Variants in ZNF738 observed in about 807,000 individuals in gnomAD.
The protein encoded by ZNF738 is protein ZNF738.
A neutral mutation model predicts 9.2 loss-of-function variants in ZNF738; 10 were observed. The observed-to-expected ratio is 1.09, with a 90% CI of 0.67 to 1.85. The LOEUF is 1.85. Among genes scored for constraint, ZNF738 ranks in the 40% most tolerant of loss-of-function variants. The pLI, the probability that ZNF738 is intolerant of heterozygous loss-of-function variation, is 0.00. For synonymous variants in ZNF738, 113 were observed against 94.5 expected, an observed-to-expected ratio of 1.20 and a Z score of -1.14; for missense variants, 346 against 283.6, an observed-to-expected ratio of 1.22 and a Z score of -1.58.
At position 21,385,279 on chromosome 19, in the gene ZNF738, A is replaced by AC. The variant is rs1974053653; in HGVS notation, c.*1609dup. Among the ~76,000 whole-genome samples the AC allele has an allele frequency of 6.6e-6, 1 of 152,098 alleles. No homozygotes were observed. Among genetic ancestry groups the AC allele is most frequent in the Admixed American group, 6.5e-5 (1 of 15,270 alleles). On this transcript the variant is annotated 3_prime_UTR_variant, in exon 5 of 5. Coordinates refer to ENST00000683779, the MANE Select transcript of ZNF738 (RefSeq NM_001355237.2). ...AGACCAGCCTGGCCCATATGGTGAA[A>AC]CCCCATCTCTACTAAAAATATAAAA...
chr19:21,364,180 G>C (rs1486628913), intron 2 of ZNF738, among the ~76,000 whole-genome samples: 1 of 87,618 alleles, frequency 1.1e-5, no homozygotes, highest in Non-Finnish European at 2.1e-5. Context: ...CTGGGCAATA[G>C]AGCGAGAATC....
chr19:21,377,324 A>G (rs1973942007), intron 4 of ZNF738: 3 of 587,802 alleles, frequency 5.1e-6, no homozygotes, highest in Non-Finnish European at 9.0e-6. Flanking sequence ...AAAAAATTGT[A>G]TTATACTGCC....
rs527545077 is a variant in ZNF738, at chr19:21,382,225, C to T, written c.320-641C>T. 6.7e-5 allele frequency among the ~76,000 whole-genome samples: 10 copies of T among 148,918 alleles called. No individual in the cohort carries two copies. In the South Asian group the frequency reaches 8.6e-4, roughly 13 times the overall value. On this transcript the variant is annotated intron_variant, in intron 4 of 4. Coordinates refer to ENST00000683779, the MANE Select transcript of ZNF738 (RefSeq NM_001355237.2). ...GGATTACAGGTTGAGCCACCACGCC[C>T]GGCTGGCAATTTACTTCTTTTTGTT...
chr19:21,383,399 G>C lies in ZNF738; in HGVS notation c.853G>C (p.Glu285Gln). 2 of 594,768 alleles carry C rather than the reference G, an allele frequency of 3.4e-6. No homozygotes were observed. The highest frequency in any genetic ancestry group is 5.7e-6 in the Non-Finnish European group (2 of 350,638). The allele number at this position is 594,768 out of a possible 1,614,324, so 36.8% of individuals were successfully genotyped here. The change falls in exon 5 of 5, where the codon GAG (glutamate) becomes CAG (glutamine). Residue 285 changes from glutamate (E) to glutamine (Q), a missense_variant. By Grantham distance (29) the Glu-to-Gln change is conservative (BLOSUM62 2). Coordinates refer to ENST00000683779, the MANE Select transcript of ZNF738 (RefSeq NM_001355237.2). ...LTRHKVIHAG[E>Q]KHYKCEKCGK... The stretch of plus-strand genomic sequence containing the variant: ...TAGACATAAGGTAATTCATGCTGGA[G>C]AGAAACACTACAAATGTGAAAAATG...
intron 1 of ZNF738, 121 bp from the exon 2 acceptor site, chr19:21,361,645 G>A (rs889411420): frequency 1.3e-5 from 9 of 693,202 alleles, no homozygotes; most frequent in Non-Finnish European, 1.9e-5. Context: ...CTCAGCCACC[G>A]TTTAGTTTTT....
intron 4 of ZNF738, chr19:21,377,911 C>A (rs1404668816): frequency 2.6e-6 from 1 of 386,076 alleles, no homozygotes; most frequent in East Asian, 3.6e-5. Flanking sequence ...ATTCTTGCAT[C>A]TTTGTCCCAC....
In ZNF738 at chr19:21,386,625, A is replaced by G. The variant is rs1599722353; in HGVS notation, c.*2951A>G. 4.8e-5 allele frequency: 12 copies of G among 248,534 alleles called. 1 individual carries two copies. The South Asian group carries it at 7.0e-4, about 14-fold the overall frequency. The allele number at this position is 248,534 out of a possible 1,614,324, so 15.4% of individuals were successfully genotyped here. On this transcript the variant is annotated 3_prime_UTR_variant, in exon 5 of 5. Transcript: ENST00000683779. Reference sequence around the variant, plus strand: ...TGACAAAGCCTTTAACCAGTCCTCAATTCTTACCAAACATAAGAAAATTCA... The same window carrying G: ...TGACAAAGCCTTTAACCAGTCCTCAGTTCTTACCAAACATAAGAAAATTCA...
chr19:21,360,836 C>T (rs1334440820), intron 1 of ZNF738, among the ~76,000 whole-genome samples: 2 of 148,364 alleles, frequency 1.3e-5, no homozygotes, highest in African/African-American at 2.5e-5. Context: ...TTTTTCTTTT[C>T]TTTTTTTTTT....
At chr19:21,374,833 A>T (rs1973903963) in intron 2 of ZNF738, among the ~76,000 whole-genome samples, 1 of 152,206 alleles carries the variant, frequency 6.6e-6, no homozygotes, top group African/African-American at 2.4e-5. Context: ...TTCTGAAAAA[A>T]AAAAATCTGC....
At chr19:21,379,728 T>A (rs1430402917) in intron 4 of ZNF738, among the ~76,000 whole-genome samples, 1 of 152,192 alleles carries the variant, frequency 6.6e-6, no homozygotes, top group Non-Finnish European at 1.5e-5. Flanking sequence ...CACATTTTTT[T>A]AATTGACACC....
rs1272588767 is a variant in ZNF738, at chr19:21,385,056, G to T, written c.*1382G>T. Among the ~76,000 whole-genome samples the T allele has an allele frequency of 1.3e-5, 2 of 152,024 alleles. No homozygotes were observed. Among genetic ancestry groups the T allele is most frequent in the Non-Finnish European group, 2.9e-5 (2 of 67,982 alleles). Reference sequence around the variant, plus strand: ...TGACTGGTCCTCTACCCTTACTAAAGATAAAAGAGTTTGACTGGGTGCGGT... The same window carrying T: ...TGACTGGTCCTCTACCCTTACTAAATATAAAAGAGTTTGACTGGGTGCGGT... On this transcript the variant is annotated 3_prime_UTR_variant, in exon 5 of 5. Coordinates refer to ENST00000683779, the MANE Select transcript of ZNF738 (RefSeq NM_001355237.2).
chr19:21,375,086 G>A (rs769291190), intron 2 of ZNF738, among the ~76,000 whole-genome samples, 152 bp from the exon 3 acceptor site: 3 of 152,128 alleles, frequency 2.0e-5, no homozygotes, highest in Non-Finnish European at 4.4e-5. Context: ...GAATACATTA[G>A]AGAATATTTC....
chr19:21,363,933 A>C (rs934239020), intron 2 of ZNF738, among the ~76,000 whole-genome samples: 3 of 150,908 alleles, frequency 2.0e-5, no homozygotes, highest in Non-Finnish European at 2.9e-5. Flanking sequence ...ATGGTGGCTC[A>C]TGTCTGTAAT....
chr19:21,376,024 A>G (rs535033730), intron 4 of ZNF738, 60 bp downstream of exon 4: 12 of 679,382 alleles, frequency 1.8e-5, no homozygotes, highest in Non-Finnish European at 2.7e-5. Flanking sequence ...TACAAAAAAA[A>G]AAAAGCAGTC....
rs374764443 is a variant in ZNF738, at chr19:21,368,261, A to G, written c.96+6403A>G. Among the ~76,000 whole-genome samples, 9 of 152,116 alleles carry G rather than the reference A, an allele frequency of 5.9e-5. No homozygotes were observed. In the South Asian group the frequency reaches 1.2e-3, roughly 21 times the overall value. ...TTTGTCCTTTTATCCTTCATCCTCA[A>G]CTAGGCCTCCATGACTGTTCCTTCT... On this transcript the variant is annotated intron_variant, in intron 2 of 4. Coordinates refer to ENST00000683779, the MANE Select transcript of ZNF738 (RefSeq NM_001355237.2).
chr19:21,364,072 C>T (rs987487726), intron 2 of ZNF738, among the ~76,000 whole-genome samples: 11 of 150,892 alleles, frequency 7.3e-5, no homozygotes, highest in African/African-American at 2.7e-4. Context: ...AGATGTGCAC[C>T]TGTAGCCCCA....
chr19:21,368,765 C>A (rs1468280615), intron 2 of ZNF738, among the ~76,000 whole-genome samples: 1 of 151,754 alleles, frequency 6.6e-6, no homozygotes, highest in African/African-American at 2.4e-5. Flanking sequence ...CAGACAAATT[C>A]TTACTCTGTT....
intron 2 of ZNF738, 119 bp downstream of exon 2, chr19:21,361,977 G>T (rs895560613): frequency 3.3e-5 from 19 of 581,414 alleles, no homozygotes; most frequent in Non-Finnish European, 5.3e-5. Flanking sequence ...GCTACTCGGG[G>T]TTGCTGAGGC....
intron 4 of ZNF738, chr19:21,381,481 A>C: frequency 7.1e-6 from 8 of 1,120,350 alleles, no homozygotes; most frequent in Non-Finnish European, 1.1e-5. Context: ...CTACAAGCTC[A>C]GGCTTACCTT....
Sources: gnomAD v4.1 joint callset for allele counts (sites outside exome capture counted in the v4.1 genomes callset) on GRCh38, gnomAD v4.1.1 for gene constraint, MANE v1.5 for transcripts, NCBI Gene and HGNC (gene_info 2026-07-23, HGNC 2026-07-21) for gene names.